Variants in SDK1 observed in about 807,000 individuals in gnomAD.
The protein encoded by SDK1 is protein sidekick-1.
A neutral mutation model predicts 245.5 loss-of-function variants in SDK1; 157 were observed. That is an observed-to-expected ratio of 0.64 (90% CI 0.56 to 0.73). SDK1 has a LOEUF of 0.73. Among genes scored for constraint, SDK1 ranks in the 30% least tolerant of loss-of-function variants. The probability of loss-of-function intolerance (pLI) is 0.00; values close to 1 mark genes in which losing one functional copy is unlikely to be tolerated. For missense variants in SDK1, 3,583 were observed against 3,002.3 expected (o/e 1.19, Z -4.52); for synonymous variants, 1,647 against 1,278.5 (o/e 1.29, Z -6.15).
chr7:3,901,453 T>G (rs1583533870), intron 5 of SDK1, among the ~76,000 whole-genome samples: 2 of 152,334 alleles, frequency 1.3e-5, no homozygotes, highest in East Asian at 3.9e-4. Context: ...CCCAAAGTGC[T>G]GGGATTACAG....
At chr7:4,008,989 G>T (rs1785717711) in intron 14 of SDK1, among the ~76,000 whole-genome samples, 1 of 152,230 alleles carries the variant, frequency 6.6e-6, no homozygotes, top group East Asian at 1.9e-4. Context: ...GTCTGTAGCG[G>T]CTATACCATT....
At chr7:3,625,071 A>C (rs924775586) in intron 2 of SDK1, among the ~76,000 whole-genome samples, 2 of 152,116 alleles carry the variant, frequency 1.3e-5, no homozygotes, top group African/African-American at 4.8e-5. Flanking sequence ...TATATATTCA[A>C]ATGAGTTCTC....
intron 1 of SDK1, among the ~76,000 whole-genome samples, chr7:3,498,434 T>A (rs1782090443): frequency 6.6e-6 from 1 of 152,202 alleles, no homozygotes; most frequent in African/African-American, 2.4e-5. Context: ...ATAAAATGAA[T>A]GATGATAGTA....
At position 4,255,753 on chromosome 7, in the gene SDK1, A is replaced by G. The variant is rs188062527; in HGVS notation, c.6382-9371A>G. ...CCCTGCCTTGTTGCCACATCTGCCC[A>G]GGGTGGAATTTCTGTCACACTGAGC... On this transcript the variant is annotated intron_variant, in intron 44 of 44. Transcript: ENST00000404826. Among the ~76,000 whole-genome samples, 295 of 152,240 alleles carry G rather than the reference A, an allele frequency of 1.9e-3. 1 individual carries two copies. The highest frequency in any genetic ancestry group is 6.7e-3 in the African/African-American group (280 of 41,540).
At chr7:3,818,632 A>G (rs1216239479) in intron 4 of SDK1, among the ~76,000 whole-genome samples, 3 of 152,208 alleles carry the variant, frequency 2.0e-5, no homozygotes, top group East Asian at 1.9e-4. Context: ...TTTGATTTCT[A>G]GTGACAGCAG....
At chr7:4,158,651 G>T in intron 31 of SDK1, 100 bp downstream of exon 31, 1 of 784,954 alleles carries the variant, frequency 1.3e-6, no homozygotes, top group South Asian at 1.5e-5. Flanking sequence ...GGGCCACCAG[G>T]GAGTGGTGGA....
intron 1 of SDK1, among the ~76,000 whole-genome samples, chr7:3,488,398 T>C (rs1365166286): frequency 6.6e-6 from 1 of 152,216 alleles, no homozygotes; most frequent in East Asian, 1.9e-4. Flanking sequence ...GATTTAATAT[T>C]AGTGGAGGAT....
intron 44 of SDK1, among the ~76,000 whole-genome samples, chr7:4,262,782 C>A (rs1788112613): frequency 1.1e-5 from 1 of 92,062 alleles, no homozygotes; most frequent in Non-Finnish European, 2.2e-5. Flanking sequence ...ACCTCCACCC[C>A]CTCTCCTCCC....
Position 4,084,831 on chromosome 7 carries a change from G to A in SDK1, c.3324+5247G>A, listed in dbSNP as rs543057544. 7.9e-5 allele frequency among the ~76,000 whole-genome samples: 12 copies of A among 151,982 alleles called. No homozygotes were observed. In the East Asian group the frequency reaches 1.6e-3, roughly 20 times the overall value. The stretch of plus-strand genomic sequence containing the variant: ...CACCCAGGCTGGAGTGCAATGGCAC[G>A]ATCTCACTGCAACCTCCGCCTCCTG... On this transcript the variant is annotated intron_variant, in intron 22 of 44. Transcript: ENST00000404826.
At chr7:3,845,736 A>G (rs968208546) in intron 5 of SDK1, among the ~76,000 whole-genome samples, 1 of 152,102 alleles carries the variant, frequency 6.6e-6, no homozygotes, top group South Asian at 2.1e-4. Flanking sequence ...AATTAAAAAG[A>G]AATTCCATTT....
chr7:3,527,740 T>A (rs539702846), intron 1 of SDK1, among the ~76,000 whole-genome samples: 4 of 145,658 alleles, frequency 2.7e-5, no homozygotes, highest in Middle Eastern at 3.6e-3. Flanking sequence ...GGAGGTAAGG[T>A]TGGATGATAG....
chr7:4,163,659 C>A (rs985054262), intron 32 of SDK1, among the ~76,000 whole-genome samples: 1 of 152,122 alleles, frequency 6.6e-6, no homozygotes, highest in Non-Finnish European at 1.5e-5. Context: ...CCTGCTGGGC[C>A]GGGAGAGAGA....
At chr7:3,655,049 C>CT (rs10663969) in intron 4 of SDK1, among the ~76,000 whole-genome samples, 47,772 of 144,116 alleles carry the variant, frequency 0.33, 8,638 homozygotes, top group African/African-American at 0.46. Context: ...TCATAGCTTG[C>CT]TTTTTTTTTT....
At chr7:3,789,711 A>G (rs1781020541) in intron 4 of SDK1, among the ~76,000 whole-genome samples, 2 of 152,198 alleles carry the variant, frequency 1.3e-5, no homozygotes, top group African/African-American at 4.8e-5. Flanking sequence ...AGACAAGAAG[A>G]TCAAGTGTGA....
chr7:3,866,276 C>T (rs1160917951), intron 5 of SDK1, among the ~76,000 whole-genome samples: 1 of 152,164 alleles, frequency 6.6e-6, no homozygotes, highest in African/African-American at 2.4e-5. Context: ...GGAGAGGCCC[C>T]ATTCCAGGCT....
intron 38 of SDK1, among the ~76,000 whole-genome samples, chr7:4,212,975 G>T (rs1411405255): frequency 6.6e-6 from 1 of 152,152 alleles, no homozygotes; most frequent in Non-Finnish European, 1.5e-5. Context: ...TTGGGCTGCT[G>T]CTCTTAGTCT....
chr7:3,484,406 G>C (rs1583929229), intron 1 of SDK1, among the ~76,000 whole-genome samples: 2 of 152,194 alleles, frequency 1.3e-5, no homozygotes, highest in African/African-American at 2.4e-5. Context: ...CGGGACATGA[G>C]TGTGTGAGGA....
chr7:3,848,949 C>T (rs749673521), intron 5 of SDK1, among the ~76,000 whole-genome samples: 1 of 152,178 alleles, frequency 6.6e-6, no homozygotes, highest in Non-Finnish European at 1.5e-5. Flanking sequence ...GGATTACAGG[C>T]GTGAGCCGCC....
At chr7:3,799,995 T>C (rs192724254) in intron 4 of SDK1, among the ~76,000 whole-genome samples, 2 of 152,248 alleles carry the variant, frequency 1.3e-5, no homozygotes, top group Non-Finnish European at 2.9e-5. Flanking sequence ...TTTGTTACTG[T>C]TTAGATTACT....
Sources: allele counts gnomAD v4.1 joint callset (sites outside exome capture counted in the v4.1 genomes callset), GRCh38; gene constraint gnomAD v4.1.1; transcripts MANE v1.5; gene names NCBI Gene and HGNC (gene_info 2026-07-23, HGNC 2026-07-21).